GAB2: variants seen among roughly 807,000 people sequenced by gnomAD.
The protein encoded by GAB2 is GRB2 associated binding protein 2.
GAB2 carries 26 observed loss-of-function variants against 65.5 expected under a neutral mutation model. That is an observed-to-expected ratio of 0.40 (90% CI 0.29 to 0.55). The LOEUF is 0.55. GAB2 is among the 20% of genes least tolerant of loss of function. GAB2 has a pLI of 0.53. For missense variants in GAB2, 884 were observed against 875.8 expected, an observed-to-expected ratio of 1.01 and a Z score of -0.12; for synonymous variants, 321 against 329.6, an observed-to-expected ratio of 0.97 and a Z score of 0.28.
intron 1 of GAB2, among the ~76,000 whole-genome samples, chr11:78,402,615 C>T (rs1280132288): frequency 6.7e-6 from 1 of 149,982 alleles, no homozygotes; most frequent in African/African-American, 2.5e-5. Flanking sequence ...ACCACCACGC[C>T]CAGCTAATTT....
intron 1 of GAB2, among the ~76,000 whole-genome samples, chr11:78,412,559 T>C (rs965513059): frequency 6.6e-6 from 1 of 152,224 alleles, no homozygotes; most frequent in Non-Finnish European, 1.5e-5. Flanking sequence ...CCTATCATGA[T>C]GGAAATGCTC....
rs148163075 is a variant in GAB2 at position 78,415,135 on chromosome 11, G to A, written c.75+2511C>T. 1.8e-3 allele frequency among the ~76,000 whole-genome samples: 281 copies of A among 152,316 alleles called. 1 individual carries two copies. Among genetic ancestry groups the A allele is most frequent in the African/African-American group, 6.6e-3 (274 of 41,568 alleles). ...GATCCACCCGCCTCAGCCTCCCAAA[G>A]TGCTGGGATTACAGGCATAAGCCAC... On this transcript the variant is annotated intron_variant, in intron 1 of 9. Coordinates refer to ENST00000361507, the MANE Select transcript of GAB2 (RefSeq NM_080491.3).
At chr11:78,256,746 T>G (rs1208447518) in intron 2 of GAB2, among the ~76,000 whole-genome samples, 1 of 152,244 alleles carries the variant, frequency 6.6e-6, no homozygotes, top group East Asian at 1.9e-4. Flanking sequence ...TCCATGCACA[T>G]GCATAAGGCA....
chr11:78,375,386 C>A (rs989746231), intron 1 of GAB2, among the ~76,000 whole-genome samples: 11 of 152,062 alleles, frequency 7.2e-5, no homozygotes, highest in Non-Finnish European at 1.2e-4. Context: ...GATCCATACA[C>A]AGTTTGAAAA....
At chr11:78,244,397 A>G (rs1865233521) in intron 3 of GAB2, among the ~76,000 whole-genome samples, 1 of 151,288 alleles carries the variant, frequency 6.6e-6, no homozygotes, top group African/African-American at 2.4e-5. Flanking sequence ...GTCTCAAAAG[A>G]AAGAAAAAAA....
intron 1 of GAB2, among the ~76,000 whole-genome samples, chr11:78,328,050 G>C (rs1250784170): frequency 3.9e-5 from 6 of 152,146 alleles, no homozygotes; most frequent in Non-Finnish European, 7.4e-5. Flanking sequence ...GTGGTGGGCT[G>C]ATCATTTGCT....
rs180824295 is a variant in GAB2 at position 78,367,378 on chromosome 11, G to A, written c.75+50268C>T. ...GGTGTGTGCATGTATGTGTGCGTGCGTGCATGTGATACAGCAGACTAGAAA... is the reference window on the plus strand; with the variant it reads ...GGTGTGTGCATGTATGTGTGCGTGCATGCATGTGATACAGCAGACTAGAAA... On this transcript the variant is annotated intron_variant, in intron 1 of 9. Coordinates refer to ENST00000361507, the MANE Select transcript of GAB2 (RefSeq NM_080491.3). 2.6e-5 allele frequency among the ~76,000 whole-genome samples: 4 copies of A among 152,318 alleles called. No individual in the cohort carries two copies. The East Asian group carries it at 7.7e-4, about 29-fold the overall frequency.
intron 2 of GAB2, among the ~76,000 whole-genome samples, chr11:78,276,637 T>G (rs904111119): frequency 1.3e-5 from 2 of 152,140 alleles, no homozygotes; most frequent in African/African-American, 2.4e-5. Context: ...GGAACTTGCA[T>G]AAAATGAATG....
At chr11:78,264,967 C>T (rs990099676) in intron 2 of GAB2, among the ~76,000 whole-genome samples, 5 of 152,086 alleles carry the variant, frequency 3.3e-5, no homozygotes, top group Non-Finnish European at 7.4e-5. Flanking sequence ...ATTCAACAGA[C>T]ATTTAATATG....
chr11:78,389,472 A>G (rs1856807320), intron 1 of GAB2, among the ~76,000 whole-genome samples: 1 of 151,988 alleles, frequency 6.6e-6, no homozygotes, highest in Non-Finnish European at 1.5e-5. Context: ...ACACCCAGCT[A>G]ATTTTTTGTA....
At chr11:78,284,900 C>T (rs1220755825) in intron 1 of GAB2, among the ~76,000 whole-genome samples, 1 of 152,076 alleles carries the variant, frequency 6.6e-6, no homozygotes, top group Non-Finnish European at 1.5e-5. Flanking sequence ...ATTAATGAAT[C>T]ATTTTCTTGC....
rs183072384 is a variant in GAB2 at position 78,288,751 on chromosome 11, A to C, written c.76-7850T>G. Among the ~76,000 whole-genome samples, 4 of 152,368 alleles carry C rather than the reference A, an allele frequency of 2.6e-5. No individual in the cohort carries two copies. In the East Asian group the frequency reaches 7.7e-4, roughly 29 times the overall value. ...ACAACTCGACTTGGTGCATCTCCCC[A>C]AACTGACGTACAGATTTAACACAAT... is the stretch of plus-strand genomic sequence containing the variant. On this transcript the variant is annotated intron_variant, in intron 1 of 9. Transcript: ENST00000361507.
chr11:78,365,442 T>C (rs1460344374), intron 1 of GAB2, among the ~76,000 whole-genome samples: 1 of 152,200 alleles, frequency 6.6e-6, no homozygotes. Context: ...GCAGTGCTAA[T>C]GCAGCGCCCT....
At position 78,225,113 on chromosome 11, in the gene GAB2, AAG is replaced by A; in HGVS notation, c.1295_1296del (p.Ser432PhefsTer17). 1 of 1,609,656 alleles carries A rather than the reference AAG, an allele frequency of 6.2e-7. No homozygotes were observed. Among genetic ancestry groups the A allele is most frequent in the Non-Finnish European group, 8.5e-7 (1 of 1,175,964 alleles). Reference sequence around the variant, plus strand: ...TTGGGTTAACCCACACTCACCAGGAAAGAGCCAACTCCATCACTCATGGATTC... The same window carrying A: ...TTGGGTTAACCCACACTCACCAGGAAAGCCAACTCCATCACTCATGGATTC... ...SAESMSDGVGSFLPGKMIVGR... is the reference protein window; with the variant it reads ...SAESMSDGVGXFLPGKMIVGR... On this transcript the variant is annotated frameshift_variant, in exon 5 of 10. Coordinates refer to ENST00000361507, the MANE Select transcript of GAB2 (RefSeq NM_080491.3). LOFTEE classifies it high-confidence loss of function.
Position 78,223,448 on chromosome 11 carries a change from G to T in GAB2, c.1531C>A (p.Pro511Thr), listed in dbSNP as rs749991751. 6.3e-7 allele frequency: 1 copy of T among 1,580,122 alleles called. No homozygotes were observed. Among genetic ancestry groups the T allele is most frequent in the Non-Finnish European group, 8.6e-7 (1 of 1,161,494 alleles). The stretch of plus-strand genomic sequence containing the variant: ...GGTTTGAGGTTGCGGTTGACAGGGG[G>T]TGGCTGAATCTCACTTCCTCTGCTG... ...GPSRGSEIQP[P>T]PVNRNLKPDR... Residue 511 changes from proline (P) to threonine (T), a missense_variant, in exon 6 of 10, where the codon CCC becomes ACC. Coordinates refer to ENST00000361507, the MANE Select transcript of GAB2 (RefSeq NM_080491.3).
At chr11:78,416,460 C>A (rs966473940) in intron 1 of GAB2, among the ~76,000 whole-genome samples, 1 of 151,436 alleles carries the variant, frequency 6.6e-6, no homozygotes, top group African/African-American at 2.5e-5. Flanking sequence ...TTCTGCCTCT[C>A]CCCCCATGGA....
chr11:78,367,821 CTT>C (rs569887849), intron 1 of GAB2, among the ~76,000 whole-genome samples: 3,188 of 116,040 alleles, frequency 0.027, 54 homozygotes, highest in African/African-American at 0.07. Flanking sequence ...TTTTCTTTTT[CTT>C]TTTTTTTTTT....
At chr11:78,402,787 T>A (rs1308530462) in intron 1 of GAB2, among the ~76,000 whole-genome samples, 1 of 152,036 alleles carries the variant, frequency 6.6e-6, no homozygotes, top group Non-Finnish European at 1.5e-5. Context: ...TTAGAAAATT[T>A]AAAGAATCAT....
intron 1 of GAB2, among the ~76,000 whole-genome samples, chr11:78,300,242 C>A (rs760739326): frequency 6.6e-6 from 1 of 151,816 alleles, no homozygotes; most frequent in Non-Finnish European, 1.5e-5. Flanking sequence ...GCTTTTTATG[C>A]ACAACATGAA....
Sources: allele counts gnomAD v4.1 joint callset (sites outside exome capture counted in the v4.1 genomes callset), GRCh38; gene constraint gnomAD v4.1.1; transcripts MANE v1.5; gene names NCBI Gene and HGNC (gene_info 2026-07-23, HGNC 2026-07-21).